GLMN: variants seen among roughly 807,000 people sequenced by gnomAD.
GLMN encodes glomulin.
GLMN carries 75 observed loss-of-function variants against 87.8 expected under a neutral mutation model. That is an observed-to-expected ratio of 0.85 (90% CI 0.71 to 1.04). The LOEUF (loss-of-function observed/expected upper bound fraction) is 1.04. Among genes scored for constraint, GLMN ranks in the 50% least tolerant of loss-of-function variants. The pLI is 0.00. For synonymous variants in GLMN, 206 were observed against 221.6 expected (o/e 0.93, Z 0.63); for missense variants, 588 against 658.8 (o/e 0.89, Z 1.18).
chr1:92,345,437 AAGGGAGGG>A, the GLMN span, among the ~76,000 whole-genome samples: 1 of 133,288 alleles, frequency 7.5e-6, no homozygotes. Flanking sequence ...GGAAGGAAGG[AAGGGAGGG>A]AGGGAGGGAC....
Position 92,247,910 on chromosome 1 carries a change from G to T in GLMN, c.1553C>A (p.Ala518Glu). ...PLHIGLNMSKAHYEAEIKNSQ... is the reference protein window; with the variant it reads ...PLHIGLNMSKEHYEAEIKNSQ... ...ATTTTTAATTTCTGCTTCATAATGT[G>T]CTTTTGACATATTAAGTCCTATATG... The change falls in exon 17 of 19, where the codon GCA becomes GAA. Residue 518 changes from alanine (A) to glutamate (E), a missense_variant. Physicochemically the swap from Ala to Glu is moderately radical, Grantham distance 107. Transcript: ENST00000370360. 7.2e-7 allele frequency: 1 copy of T among 1,380,810 alleles called. No homozygotes were observed. Among genetic ancestry groups the T allele is most frequent in the Non-Finnish European group, 1.0e-6 (1 of 968,802 alleles). 85.5% of individuals were successfully genotyped at this position (1,380,810 alleles called of 1,614,324 possible).
chr1:92,294,002 A>C (rs1649740251), intron 3 of GLMN, among the ~76,000 whole-genome samples: 1 of 152,012 alleles, frequency 6.6e-6, no homozygotes, highest in African/African-American at 2.4e-5. Context: ...GTACCAAAAA[A>C]AAAAAAAAAA....
chr1:92,319,672 G>C, the GLMN span, among the ~76,000 whole-genome samples: 2 of 152,160 alleles, frequency 1.3e-5, no homozygotes, highest in Non-Finnish European at 2.9e-5. Flanking sequence ...GGAGCTTATA[G>C]TCTAGTTAAG....
chr1:92,320,425 G>A, the GLMN span, among the ~76,000 whole-genome samples: 1,812 of 151,908 alleles, frequency 0.012, 39 homozygotes, highest in African/African-American at 0.041. Flanking sequence ...GGCGCGCACC[G>A]CCATGTCCAG....
At chr1:92,312,331 G>T in the GLMN span, among the ~76,000 whole-genome samples, 138 of 151,526 alleles carry the variant, frequency 9.1e-4, no homozygotes, top group Non-Finnish European at 8.4e-4. Flanking sequence ...GAGACTAGAA[G>T]ATCACTTGAG....
the GLMN span, among the ~76,000 whole-genome samples, chr1:92,334,845 G>A: frequency 5.9e-5 from 9 of 152,050 alleles, no homozygotes; most frequent in East Asian, 5.8e-4. Flanking sequence ...AAAATTAGCC[G>A]GGCGTGGTGG....
Position 92,260,474 on chromosome 1 carries a change from G to A in GLMN, c.1473+2389C>T, listed in dbSNP as rs141557732. ...CTAGTAAAAATACAAAAATTAGCTG[G>A]TGTGGTGGTGCCTGGCTGTAGTCCC... On this transcript the variant is annotated intron_variant, in intron 16 of 18. Transcript: ENST00000370360. 4.9e-3 allele frequency among the ~76,000 whole-genome samples: 745 copies of A among 151,952 alleles called. 2 individuals are homozygous for A. The highest frequency in any genetic ancestry group is 8.2e-3 in the Non-Finnish European group (557 of 67,958).
upstream of GLMN, among the ~76,000 whole-genome samples, chr1:92,301,802 G>A (rs1232904010): frequency 2.6e-5 from 4 of 152,118 alleles, no homozygotes; most frequent in Non-Finnish European, 4.4e-5. Flanking sequence ...AAATAAGTAC[G>A]TAACAAGGTG....
At chr1:92,308,189 A>G in the GLMN span, among the ~76,000 whole-genome samples, 1 of 152,106 alleles carries the variant, frequency 6.6e-6, no homozygotes. Flanking sequence ...GATGGCAGAC[A>G]CCTCTGCCTG....
chr1:92,338,754 G>T, the GLMN span, among the ~76,000 whole-genome samples: 1 of 150,558 alleles, frequency 6.6e-6, no homozygotes, highest in Non-Finnish European at 1.5e-5. Flanking sequence ...GGCTCAAGCC[G>T]CAGCCTGGCT....
At chr1:92,277,992 T>C (rs1449802663) in intron 7 of GLMN, among the ~76,000 whole-genome samples, 1 of 152,142 alleles carries the variant, frequency 6.6e-6, no homozygotes, top group East Asian at 1.9e-4. Flanking sequence ...TTGAGGTATT[T>C]AGCCCTCAAC....
intron 3 of GLMN, among the ~76,000 whole-genome samples, chr1:92,296,652 G>A (rs563348807): frequency 5.9e-5 from 9 of 152,184 alleles, no homozygotes; most frequent in African/African-American, 2.2e-4. Flanking sequence ...AGTATCCAAA[G>A]ACACAAAATT....
At chr1:92,252,982 C>T (rs573319610) in intron 16 of GLMN, among the ~76,000 whole-genome samples, 4 of 152,206 alleles carry the variant, frequency 2.6e-5, no homozygotes, top group Admixed American at 2.6e-4. Context: ...CCAGAACAGT[C>T]AGGAACCCTG....
At chr1:92,257,284 G>A (rs1049784411) in intron 16 of GLMN, among the ~76,000 whole-genome samples, 2 of 152,102 alleles carry the variant, frequency 1.3e-5, no homozygotes, top group Admixed American at 1.3e-4. Context: ...CATGCTCATC[G>A]GTAGGAAGAA....
chr1:92,319,523 G>A, the GLMN span, among the ~76,000 whole-genome samples: 1 of 152,100 alleles, frequency 6.6e-6, no homozygotes. Flanking sequence ...TCCCAGCACT[G>A]TGGAAGGCTG....
chr1:92,363,581 T>C, the GLMN span: 4 of 157,824 alleles, frequency 2.5e-5, no homozygotes, highest in South Asian at 1.8e-4. Flanking sequence ...GAAAACACAA[T>C]TGACCCTTGA....
At chr1:92,327,700 T>G in the GLMN span, among the ~76,000 whole-genome samples, 7 of 151,228 alleles carry the variant, frequency 4.6e-5, no homozygotes, top group Non-Finnish European at 7.3e-5. Context: ...ATCGTGCTAT[T>G]TGTTGCCTGA....
intron 7 of GLMN, among the ~76,000 whole-genome samples, chr1:92,282,387 C>T (rs552058595): frequency 3.3e-5 from 5 of 152,174 alleles, no homozygotes; most frequent in East Asian, 1.9e-4. Flanking sequence ...GGGTACATAA[C>T]GAAATGAAGG....
the GLMN span, among the ~76,000 whole-genome samples, chr1:92,308,965 TTAAA>T: frequency 1.3e-5 from 2 of 151,858 alleles, no homozygotes; most frequent in African/African-American, 4.8e-5. Context: ...GTCTCAAAAA[TTAAA>T]TAAATAAATA....
Sources: allele counts gnomAD v4.1 joint callset (sites outside exome capture counted in the v4.1 genomes callset), GRCh38; gene constraint gnomAD v4.1.1; transcripts MANE v1.5; gene names NCBI Gene and HGNC (gene_info 2026-07-23, HGNC 2026-07-21).